NCK2: variants seen among roughly 807,000 people sequenced by gnomAD.
NCK2 encodes cytoplasmic protein NCK2.
NCK2 carries 16 observed loss-of-function variants against 33.9 expected under a neutral mutation model. The observed-to-expected ratio is 0.47, with a 90% CI of 0.32 to 0.72. The LOEUF is 0.72. NCK2 is among the 30% of genes least tolerant of loss of function. The pLI, the probability that NCK2 is intolerant of heterozygous loss-of-function variation, is 0.03. For missense variants in NCK2, 418 were observed against 537.3 expected, an observed-to-expected ratio of 0.78 and a Z score of 2.19; for synonymous variants, 273 against 239.9, an observed-to-expected ratio of 1.14 and a Z score of -1.27.
intron 2 of NCK2, among the ~76,000 whole-genome samples, chr2:105,841,989 C>A (rs1676666507): frequency 6.6e-6 from 1 of 152,154 alleles, no homozygotes; most frequent in Non-Finnish European, 1.5e-5. Context: ...TGTAAAATGG[C>A]ACTAGCTGCC....
intron 1 of NCK2, among the ~76,000 whole-genome samples, chr2:105,751,192 T>C (rs1689443074): frequency 6.6e-6 from 1 of 152,228 alleles, no homozygotes; most frequent in Non-Finnish European, 1.5e-5. Flanking sequence ...TCCTGCAACC[T>C]GCCCGCCTTC....
intron 4 of NCK2, 69 bp downstream of exon 4, chr2:105,882,118 C>T (rs1206930531): frequency 1.4e-5 from 20 of 1,404,040 alleles, no homozygotes; most frequent in Admixed American, 6.1e-5. Context: ...GTCTGTGTGC[C>T]GCGCCCTTTT....
At chr2:105,892,195 A>G (rs1283050368) in intron 4 of NCK2, among the ~76,000 whole-genome samples, 1 of 152,114 alleles carries the variant, frequency 6.6e-6, no homozygotes, top group Non-Finnish European at 1.5e-5. Flanking sequence ...AAAAAAAAAA[A>G]GAATTAGAAA....
intron 2 of NCK2, among the ~76,000 whole-genome samples, chr2:105,834,383 G>T (rs989038319): frequency 6.6e-6 from 1 of 152,158 alleles, no homozygotes; most frequent in South Asian, 2.1e-4. Flanking sequence ...TTATCATTAC[G>T]TAATGACTTT....
chr2:105,854,937 T>G lies in NCK2; in HGVS notation c.-16-111T>G, dbSNP rs6543345. 7.0e-6 allele frequency: 5 copies of G among 709,886 alleles called. No individual in the cohort carries two copies. The African/African-American group carries it at 8.9e-5, about 13-fold the overall frequency. 44.0% of individuals were successfully genotyped at this position (709,886 alleles called of 1,614,324 possible). A position where few individuals can be genotyped will look rare whatever the true frequency, so the allele number is the denominator to read the frequency against. On this transcript the variant is annotated intron_variant, in intron 2 of 4. Coordinates refer to ENST00000233154, the MANE Select transcript of NCK2 (RefSeq NM_003581.5). ...AGCATTTCAAGACCCAGGAGAAAAC[T>G]GGTTGCAGAGTTGTAATAAAAGCTG...
intron 3 of NCK2, among the ~76,000 whole-genome samples, chr2:105,857,856 T>C (rs1052111438): frequency 6.6e-5 from 10 of 152,320 alleles, no homozygotes; most frequent in African/African-American, 2.4e-4. Context: ...TTGAGCTGCA[T>C]CCAGTGGAAG....
rs1212863652 is a variant in NCK2 at position 105,893,867 on chromosome 2, C to T, written c.*691C>T. 5.2e-5 allele frequency: 8 copies of T among 152,606 alleles called. No homozygotes were observed. The highest frequency in any genetic ancestry group is 5.2e-4 in the Admixed American group (8 of 15,278). 9.5% of individuals were successfully genotyped at this position (152,606 alleles called of 1,614,324 possible). ...CTCTTGCCCTTCGGCTTGTTTGAAT[C>T]TCACAATTATGTATTTAATTCTCAA... On this transcript the variant is annotated 3_prime_UTR_variant, in exon 5 of 5. Coordinates refer to ENST00000233154, the MANE Select transcript of NCK2 (RefSeq NM_003581.5).
chr2:105,870,053 C>T (rs1414992289), intron 3 of NCK2, among the ~76,000 whole-genome samples: 1 of 152,132 alleles, frequency 6.6e-6, no homozygotes, highest in Admixed American at 6.5e-5. Flanking sequence ...GAGGGTGGGT[C>T]CTTTGCCCCA....
At chr2:105,807,746 CT>C (rs1675111605) in intron 1 of NCK2, among the ~76,000 whole-genome samples, 1 of 86,884 alleles carries the variant, frequency 1.2e-5, no homozygotes, top group Non-Finnish European at 2.4e-5. Flanking sequence ...TCCTTCCTTC[CT>C]TCCCTCCCTC....
chr2:105,768,779 G>A (rs1166463765), intron 1 of NCK2, among the ~76,000 whole-genome samples: 1 of 152,184 alleles, frequency 6.6e-6, no homozygotes, highest in East Asian at 1.9e-4. Flanking sequence ...CAAAAGATTG[G>A]ACACCCCTGT....
chr2:105,811,600 T>C (rs1205842183), intron 1 of NCK2, among the ~76,000 whole-genome samples: 1 of 152,118 alleles, frequency 6.6e-6, no homozygotes, highest in Admixed American at 6.5e-5. Context: ...GTGGAACAGG[T>C]GTGATTGAGG....
chr2:105,757,670 A>C (rs1369126022), intron 1 of NCK2, among the ~76,000 whole-genome samples: 1 of 152,166 alleles, frequency 6.6e-6, no homozygotes, highest in Non-Finnish European at 1.5e-5. Context: ...CAGTGTGGAG[A>C]TCTTACAAGC....
chr2:105,751,064 C>T (rs941582383), intron 1 of NCK2, among the ~76,000 whole-genome samples: 1 of 152,202 alleles, frequency 6.6e-6, no homozygotes, highest in African/African-American at 2.4e-5. Flanking sequence ...TGACTGACCT[C>T]CCTCTAGCTC....
chr2:105,884,374 G>T (rs1322432736), intron 4 of NCK2, among the ~76,000 whole-genome samples: 1 of 152,048 alleles, frequency 6.6e-6, no homozygotes, highest in Non-Finnish European at 1.5e-5. Flanking sequence ...TAATTCCTTC[G>T]CAGCATGCCA....
chr2:105,879,038 GTCTT>G (rs1678354263), intron 3 of NCK2, among the ~76,000 whole-genome samples: 1 of 152,188 alleles, frequency 6.6e-6, no homozygotes, highest in East Asian at 1.9e-4. Context: ...GTTATAAAGT[GTCTT>G]TATAACGTAT....
At chr2:105,860,960 G>A (rs1677505445) in intron 3 of NCK2, among the ~76,000 whole-genome samples, 1 of 151,554 alleles carries the variant, frequency 6.6e-6, no homozygotes, top group Non-Finnish European at 1.5e-5. Flanking sequence ...TACACTGGAG[G>A]AACCCAAGGT....
At chr2:105,877,379 G>T (rs1479514669) in intron 3 of NCK2, among the ~76,000 whole-genome samples, 1 of 152,172 alleles carries the variant, frequency 6.6e-6, no homozygotes, top group East Asian at 1.9e-4. Context: ...CAGGATCAGG[G>T]TGCAGGGAGG....
Position 105,891,569 on chromosome 2 carries a change from G to GAGAT in NCK2, c.949-1412_949-1409dup, listed in dbSNP as rs1558891007. Among the ~76,000 whole-genome samples, 2 of 6,594 alleles carry GAGAT rather than the reference G, an allele frequency of 3.0e-4. 1 individual carries two copies. Among genetic ancestry groups the GAGAT allele is most frequent in the African/African-American group, 1.3e-3 (2 of 1,596 alleles). The allele number at this position is 6,594 out of a possible 152,430, so 4.3% of individuals were successfully genotyped here. ...TTTTTTTTTTTTTTTTTTTTTTTTT[G>GAGAT]AGATTTTTCGCTCTTGTTGCCCAGA... On this transcript the variant is annotated intron_variant, in intron 4 of 4. Transcript: ENST00000233154.
intron 2 of NCK2, 38 bp from the exon 3 acceptor site, chr2:105,855,010 A>T: frequency 6.7e-7 from 1 of 1,483,432 alleles, no homozygotes; most frequent in Non-Finnish European, 9.4e-7. Flanking sequence ...GTGTCCGGGT[A>T]GTTCTCTAAT....
Sources: gnomAD v4.1 joint callset for allele counts (sites outside exome capture counted in the v4.1 genomes callset) on GRCh38, gnomAD v4.1.1 for gene constraint, MANE v1.5 for transcripts, NCBI Gene and HGNC (gene_info 2026-07-23, HGNC 2026-07-21) for gene names.